The following SH3RF3 variants were observed in gnomAD, a reference collection of about 807,000 sequenced individuals.
The protein encoded by SH3RF3 is E3 ubiquitin-protein ligase SH3RF3.
Under a neutral mutation model 66.3 loss-of-function variants are expected in SH3RF3, and 29 were observed. The observed-to-expected ratio is 0.44, with a 90% CI of 0.33 to 0.60. The LOEUF is 0.60. SH3RF3 is among the 20% of genes least tolerant of loss of function. SH3RF3 has a pLI of 0.04. For missense variants in SH3RF3, 1,194 were observed against 1,190.9 expected (o/e 1.00, Z -0.04); for synonymous variants, 583 against 532.0 (o/e 1.10, Z -1.32).
At chr2:109,217,512 C>T (rs767057499) in intron 1 of SH3RF3, among the ~76,000 whole-genome samples, 21 of 152,170 alleles carry the variant, frequency 1.4e-4, no homozygotes, top group African/African-American at 4.8e-4. Context: ...GAAGTCATCC[C>T]GGGCTTCCCC....
At chr2:109,315,231 T>TATA (rs776251511) in intron 1 of SH3RF3, among the ~76,000 whole-genome samples, 5 of 152,214 alleles carry the variant, frequency 3.3e-5, no homozygotes, top group Non-Finnish European at 7.3e-5. Context: ...TGGAGAGGGC[T>TATA]ATAGTCTCTC....
intron 2 of SH3RF3, among the ~76,000 whole-genome samples, chr2:109,371,315 C>A (rs138935992): frequency 6.6e-6 from 1 of 152,166 alleles, no homozygotes; most frequent in Non-Finnish European, 1.5e-5. Context: ...GCTTGAACCC[C>A]GGAGGCGGAG....
intron 8 of SH3RF3, among the ~76,000 whole-genome samples, chr2:109,481,887 A>G (rs1678845684): frequency 6.6e-6 from 1 of 152,148 alleles, no homozygotes; most frequent in Non-Finnish European, 1.5e-5. Flanking sequence ...TCACTGTTTT[A>G]TCACCACGGA....
chr2:109,499,764 T>C (rs1331354132), intron 9 of SH3RF3, among the ~76,000 whole-genome samples: 1 of 152,132 alleles, frequency 6.6e-6, no homozygotes, highest in Non-Finnish European at 1.5e-5. Context: ...CAGGGGGGTG[T>C]GTGTGTATGT....
chr2:109,443,453 A>G (rs993404014), intron 7 of SH3RF3, among the ~76,000 whole-genome samples: 5 of 152,216 alleles, frequency 3.3e-5, no homozygotes, highest in African/African-American at 1.2e-4. Context: ...TTGCCATTCC[A>G]TGAATGTCTG....
chr2:109,171,628 A>G (rs1677785839), intron 1 of SH3RF3, among the ~76,000 whole-genome samples: 1 of 152,196 alleles, frequency 6.6e-6, no homozygotes, highest in Non-Finnish European at 1.5e-5. Flanking sequence ...CCTCTGAGAC[A>G]TTTCCTGTGC....
rs375284397 is a variant in SH3RF3 at position 109,148,357 on chromosome 2, G to A, written c.573+18244G>A. On this transcript the variant is annotated intron_variant, in intron 1 of 9. Transcript: ENST00000309415. ...CAGAGCGCCATCCGTGGTTCTTCATGTCACTATGGCAGAGCTCATGAGCCA... is the reference window on the plus strand; with the variant it reads ...CAGAGCGCCATCCGTGGTTCTTCATATCACTATGGCAGAGCTCATGAGCCA... 2.0e-5 allele frequency among the ~76,000 whole-genome samples: 3 copies of A among 152,334 alleles called. No individual in the cohort carries two copies. In the East Asian group the frequency reaches 5.8e-4, roughly 29 times the overall value.
chr2:109,146,674 G>C (rs1443290501), intron 1 of SH3RF3, among the ~76,000 whole-genome samples: 1 of 152,200 alleles, frequency 6.6e-6, no homozygotes. Flanking sequence ...GGTCCCCAAA[G>C]TCAGGCTGGG....
chr2:109,134,110 G>A (rs1441642662), intron 1 of SH3RF3, among the ~76,000 whole-genome samples: 2 of 152,162 alleles, frequency 1.3e-5, no homozygotes, highest in Non-Finnish European at 2.9e-5. Context: ...CTGCATGCTG[G>A]GCACTTTGAC....
At chr2:109,231,328 T>C (rs550299692) in intron 1 of SH3RF3, among the ~76,000 whole-genome samples, 6 of 152,228 alleles carry the variant, frequency 3.9e-5, no homozygotes, top group Admixed American at 6.5e-5. Flanking sequence ...TTTTGACAAG[T>C]GTGTTACAAT....
intron 8 of SH3RF3, among the ~76,000 whole-genome samples, chr2:109,480,041 T>C (rs1043555944): frequency 1.2e-4 from 19 of 152,254 alleles, no homozygotes; most frequent in Admixed American, 7.8e-4. Context: ...CTGCTGTGGG[T>C]TGAGGACAAT....
rs1558914718 is a variant in SH3RF3, at chr2:109,129,352, TCCCCGCCACGCAGGCCGG to T, written c.-188_-171del. ...GGCCGGTCCCCGCCACGCAGGCCGG[TCCCCGCCACGCAGGCCGG>T]TCGGTGAGCCACTTCGCACCGCCAC... On this transcript the variant is annotated 5_prime_UTR_variant, in exon 1 of 10. Coordinates refer to ENST00000309415, the MANE Select transcript of SH3RF3 (RefSeq NM_001099289.3). The T allele has an allele frequency of 4.6e-6, 4 of 871,120 alleles. No individual in the cohort carries two copies. The African/African-American group carries it at 7.1e-5, about 15-fold the overall frequency. 54.0% of individuals were successfully genotyped at this position (871,120 alleles called of 1,614,324 possible).
At chr2:109,263,501 AG>A (rs1418760787) in intron 1 of SH3RF3, among the ~76,000 whole-genome samples, 2 of 152,208 alleles carry the variant, frequency 1.3e-5, no homozygotes, top group Admixed American at 6.5e-5. Flanking sequence ...TCTGTGGATT[AG>A]GGGGCTGATG....
At chr2:109,249,518 T>TC (rs1680015683) in intron 1 of SH3RF3, among the ~76,000 whole-genome samples, 3 of 41,348 alleles carry the variant, frequency 7.3e-5, no homozygotes, top group Admixed American at 2.8e-4. Flanking sequence ...TCATTCTTTC[T>TC]TTTTCTTTCT....
At chr2:109,303,462 T>G (rs1681519172) in intron 1 of SH3RF3, among the ~76,000 whole-genome samples, 1 of 152,132 alleles carries the variant, frequency 6.6e-6, no homozygotes, top group Admixed American at 6.5e-5. Context: ...GGCAGAACAC[T>G]AAGAAGATGA....
intron 1 of SH3RF3, among the ~76,000 whole-genome samples, chr2:109,143,855 T>C (rs1677027424): frequency 6.6e-6 from 1 of 151,974 alleles, no homozygotes; most frequent in South Asian, 2.1e-4. Flanking sequence ...AACAATGGAA[T>C]ATTATTCAAT....
intron 8 of SH3RF3, among the ~76,000 whole-genome samples, chr2:109,473,060 C>T (rs1678566631): frequency 6.6e-6 from 1 of 152,224 alleles, no homozygotes; most frequent in African/African-American, 2.4e-5. Flanking sequence ...CATGGTGTTG[C>T]AGCCTTTCAG....
intron 1 of SH3RF3, among the ~76,000 whole-genome samples, chr2:109,145,744 C>T (rs555163479): frequency 3.5e-4 from 53 of 152,332 alleles, no homozygotes; most frequent in Non-Finnish European, 6.6e-4. Context: ...AGCCTCCCCA[C>T]CCGTGTGAAA....
chr2:109,412,619 C>T (rs1297063145), intron 4 of SH3RF3, among the ~76,000 whole-genome samples: 2 of 152,196 alleles, frequency 1.3e-5, no homozygotes, highest in African/African-American at 2.4e-5. Context: ...CTCCCAGGAT[C>T]CCCTGACAAA....
Sources: allele counts gnomAD v4.1 joint callset (sites outside exome capture counted in the v4.1 genomes callset), GRCh38; gene constraint gnomAD v4.1.1; transcripts MANE v1.5; gene names NCBI Gene and HGNC (gene_info 2026-07-23, HGNC 2026-07-21).